Variants in SCGB2B2 observed in about 807,000 individuals in gnomAD.
SCGB2B2 encodes secretoglobin family 2B member 2, also known as secretoglobin-like protein.
Under a neutral mutation model 7.6 loss-of-function variants are expected in SCGB2B2, and 11 were observed. The ratio of observed to expected loss-of-function variants is 1.45; its 90% CI spans 0.91 to 2.40. SCGB2B2 has a LOEUF of 2.40. Among genes scored for constraint, SCGB2B2 ranks in the 30% most tolerant of loss-of-function variants. The probability of loss-of-function intolerance (pLI) is 0.00; values close to 1 mark genes in which losing one functional copy is unlikely to be tolerated. For missense variants in SCGB2B2, 104 were observed against 115.4 expected (o/e 0.90, Z 0.45); for synonymous variants, 50 against 48.6 (o/e 1.03, Z -0.12).
At chr19:34,586,542 C>T (rs2065192885), downstream of SCGB2B2, among the ~76,000 whole-genome samples, 1 of 152,208 alleles carries the variant, frequency 6.6e-6, no homozygotes, top group Non-Finnish European at 1.5e-5. Flanking sequence ...ATTATTTCTT[C>T]AGAGAGTGTT....
At chr19:34,631,358 T>C (rs2066529472) in intron 1 of SCGB2B2, among the ~76,000 whole-genome samples, 1 of 151,988 alleles carries the variant, frequency 6.6e-6, no homozygotes, top group South Asian at 2.1e-4. Context: ...TCGTTAGTCT[T>C]AGTATATTTT....
chr19:34,658,834 A>AAAAAAAAAAAAAAAAG (rs1555749405), intron 1 of SCGB2B2, among the ~76,000 whole-genome samples: 2 of 118,750 alleles, frequency 1.7e-5, no homozygotes, highest in Admixed American at 8.6e-5. Context: ...AAAAAAAAAA[A>AAAAAAAAAAAAAAAAG]AGAGAGAGAA....
intron 1 of SCGB2B2, among the ~76,000 whole-genome samples, chr19:34,627,714 A>G (rs1391996458): frequency 6.6e-6 from 1 of 152,214 alleles, no homozygotes; most frequent in Non-Finnish European, 1.5e-5. Flanking sequence ...CAGATCAACG[A>G]GACAGAAAGT....
chr19:34,602,920 A>G (rs932514171), intron 1 of SCGB2B2, among the ~76,000 whole-genome samples: 1 of 152,184 alleles, frequency 6.6e-6, no homozygotes, highest in Non-Finnish European at 1.5e-5. Context: ...GGATACAGAG[A>G]ATGAACCATC....
intron 2 of SCGB2B2, 67 bp from the exon 3 acceptor site, chr19:34,594,426 A>G (rs752274052): frequency 1.2e-4 from 191 of 1,591,218 alleles, no homozygotes; most frequent in Non-Finnish European, 1.6e-4. Flanking sequence ...CCCATGGCCA[A>G]TGAGACCTTG....
At chr19:34,630,005 A>C (rs1257742708) in intron 1 of SCGB2B2, among the ~76,000 whole-genome samples, 3 of 152,034 alleles carry the variant, frequency 2.0e-5, no homozygotes, top group Non-Finnish European at 4.4e-5. Flanking sequence ...AAAAAGAAGA[A>C]ATGGGGAAAG....
At chr19:34,647,809 A>G (rs1263241674) in intron 1 of SCGB2B2, among the ~76,000 whole-genome samples, 4 of 152,216 alleles carry the variant, frequency 2.6e-5, no homozygotes, top group Non-Finnish European at 1.5e-5. Flanking sequence ...ACCACCCAAC[A>G]GGGAAATGTG....
At chr19:34,593,759 C>T (rs2065361529) in intron 3 of SCGB2B2, among the ~76,000 whole-genome samples, 160 bp from the exon 4 acceptor site, 1 of 151,950 alleles carries the variant, frequency 6.6e-6, no homozygotes, top group South Asian at 2.1e-4. Context: ...TGGGTTGTGT[C>T]TCCTGCTTGA....
At chr19:34,618,548 G>A (rs2066153799) in intron 1 of SCGB2B2, among the ~76,000 whole-genome samples, 1 of 152,118 alleles carries the variant, frequency 6.6e-6, no homozygotes, top group Admixed American at 6.6e-5. Context: ...CAACTTGCTT[G>A]AACCTTTAGT....
chr19:34,606,138 A>ATAGT (rs1491411773), intron 1 of SCGB2B2, among the ~76,000 whole-genome samples: 1 of 151,882 alleles, frequency 6.6e-6, no homozygotes, highest in Non-Finnish European at 1.5e-5. Context: ...AAAATTTTAC[A>ATAGT]TAGTTACTAA....
rs1175499063 is a variant in SCGB2B2, at chr19:34,592,429, G to A, written c.*1126C>T. The stretch of plus-strand genomic sequence containing the variant: ...GGAGACTCAGAGGGATGGAGGTCTC[G>A]CTGACCTGAGCAGGAGGGAGGGACA... On this transcript the variant is annotated 3_prime_UTR_variant, in exon 4 of 4. Coordinates refer to ENST00000601241, the MANE Select transcript of SCGB2B2 (RefSeq NM_001025591.4). 2.0e-5 allele frequency among the ~76,000 whole-genome samples: 3 copies of A among 152,144 alleles called. No individual in the cohort carries two copies. The highest frequency in any genetic ancestry group is 6.5e-5 in the Admixed American group (1 of 15,282).
chr19:34,634,329 G>A (rs1281831577), intron 1 of SCGB2B2, among the ~76,000 whole-genome samples: 1 of 152,104 alleles, frequency 6.6e-6, no homozygotes, highest in African/African-American at 2.4e-5. Flanking sequence ...TGCCTTCACT[G>A]AGCACCCTGG....
In SCGB2B2 at chr19:34,593,495, A is replaced by C. The variant is rs2065351646; in HGVS notation, c.*60T>G. The C allele has an allele frequency of 7.6e-7, 1 of 1,322,612 alleles. No homozygotes were observed. Among genetic ancestry groups the C allele is most frequent in the Admixed American group, 2.0e-5 (1 of 50,474 alleles). The allele number at this position is 1,322,612 out of a possible 1,614,324, so 81.9% of individuals were successfully genotyped here. A position where few individuals can be genotyped will look rare whatever the true frequency, so the allele number is the denominator to read the frequency against. On this transcript the variant is annotated 3_prime_UTR_variant, in exon 4 of 4. Transcript: ENST00000601241. ...TAGTGATGAACAGAGCCAGGCCAGG[A>C]ACGCGGGGAGCCCCAAGGAAGGCAG...
Position 34,594,724 on chromosome 19 carries a change from G to C in SCGB2B2, c.-161C>G. 1.4e-6 allele frequency: 1 copy of C among 692,500 alleles called. No individual in the cohort carries two copies. The highest frequency in any genetic ancestry group is 2.6e-6 in the Non-Finnish European group (1 of 386,048). The allele number at this position is 692,500 out of a possible 1,614,324, so 42.9% of individuals were successfully genotyped here. On this transcript the variant is annotated 5_prime_UTR_variant, in exon 2 of 4. Transcript: ENST00000601241. ...GTGTGAATGTGGTCAGGGCAGGTCT[G>C]CAGAGAGACCCTCGGCCCTGGGCCA... is the stretch of plus-strand genomic sequence containing the variant.
chr19:34,594,039 T>C, intron 3 of SCGB2B2, 136 bp downstream of exon 3: 1 of 701,756 alleles, frequency 1.4e-6, no homozygotes, highest in Non-Finnish European at 2.4e-6. Flanking sequence ...GTGGGGAACT[T>C]CATCTGATTT....
At chr19:34,614,817 T>C (rs1044103211) in intron 1 of SCGB2B2, among the ~76,000 whole-genome samples, 6 of 152,224 alleles carry the variant, frequency 3.9e-5, no homozygotes, top group African/African-American at 1.4e-4. Context: ...AAGAAATTGG[T>C]GACTGTTTCC....
At chr19:34,658,900 G>A (rs146723697) in intron 1 of SCGB2B2, among the ~76,000 whole-genome samples, 3,042 of 151,260 alleles carry the variant, frequency 0.02, 87 homozygotes, top group South Asian at 0.13. Context: ...TAAAATACTG[G>A]CAAACCGAAT....
intron 1 of SCGB2B2, among the ~76,000 whole-genome samples, chr19:34,651,441 AG>A (rs2067159543): frequency 6.6e-6 from 1 of 151,392 alleles, no homozygotes; most frequent in South Asian, 2.1e-4. Flanking sequence ...TTAAAGATGA[AG>A]GATACAAAAT....
intron 1 of SCGB2B2, among the ~76,000 whole-genome samples, chr19:34,667,692 CTTTG>C (rs1600072396): frequency 2.7e-5 from 4 of 150,390 alleles, no homozygotes; most frequent in African/African-American, 7.3e-5. Flanking sequence ...TCTTTCTTTG[CTTTG>C]TTTGTGCGTT....
Sources: gnomAD v4.1 joint callset for allele counts (sites outside exome capture counted in the v4.1 genomes callset) on GRCh38, gnomAD v4.1.1 for gene constraint, MANE v1.5 for transcripts, NCBI Gene and HGNC (gene_info 2026-07-23, HGNC 2026-07-21) for gene names.